The following C1orf87 variants were observed in gnomAD, a reference collection of about 807,000 sequenced individuals.
C1orf87 encodes the protein chromosome 1 open reading frame 87.
Under a neutral mutation model 60.5 loss-of-function variants are expected in C1orf87, and 58 were observed. The observed-to-expected ratio is 0.96, with a 90% CI of 0.78 to 1.19. The LOEUF is 1.19. Among genes scored for constraint, C1orf87 ranks in the 50% most tolerant of loss-of-function variants. The pLI, the probability that C1orf87 is intolerant of heterozygous loss-of-function variation, is 0.00. For synonymous variants in C1orf87, 236 were observed against 227.4 expected (o/e 1.04, Z -0.34); for missense variants, 673 against 638.6 (o/e 1.05, Z -0.58).
At position 60,019,676 on chromosome 1, in the gene C1orf87, T is replaced by C. The variant is rs1645149054; in HGVS notation, c.1127+5725A>G. On this transcript the variant is annotated intron_variant, in intron 8 of 11. Coordinates refer to ENST00000371201, the MANE Select transcript of C1orf87 (RefSeq NM_152377.3). ...ATGGACAATGACGTCCAGGCTGAGG[T>C]AGTTTCAAATGAAAATGAGGAACTT... Among the ~76,000 whole-genome samples the C allele has an allele frequency of 3.3e-5, 5 of 152,180 alleles. No individual in the cohort carries two copies. The South Asian group carries it at 1.0e-3, about 32-fold the overall frequency.
chr1:60,070,811 C>T (rs887288582), intron 2 of C1orf87, among the ~76,000 whole-genome samples: 2 of 152,086 alleles, frequency 1.3e-5, no homozygotes, highest in African/African-American at 4.8e-5. Flanking sequence ...GGGAAAGGCA[C>T]CTTCCTATAA....
At chr1:60,053,893 G>C (rs1645433350) in intron 3 of C1orf87, among the ~76,000 whole-genome samples, 1 of 152,080 alleles carries the variant, frequency 6.6e-6, no homozygotes, top group South Asian at 2.1e-4. Context: ...TCTATGCCAT[G>C]GTGGTAGAAA....
rs767068048 is a variant in C1orf87, at chr1:60,033,514, C to A, written c.991G>T (p.Glu331Ter). ...AGGCAGCCAGAGAACGAGCGATCTT[C>A]TTTTCGAAAACTCAGATTGAGATTG... ...IDNLNLSFRK[E>*]DRSFSGCLPL... is the part of the protein sequence containing the mutation. Residue 331 changes from glutamate to a stop codon, truncating the protein, a stop_gained, in exon 7 of 12, where the codon GAA (glutamate) becomes TAA (stop). Transcript: ENST00000371201. LOFTEE classifies it high-confidence loss of function. The A allele has an allele frequency of 6.2e-7, 1 of 1,613,876 alleles. No homozygotes were observed. Among genetic ancestry groups the A allele is most frequent in the South Asian group, 1.1e-5 (1 of 90,962 alleles).
chr1:60,017,644 C>T (rs568958965), intron 8 of C1orf87, among the ~76,000 whole-genome samples: 2 of 152,190 alleles, frequency 1.3e-5, no homozygotes, highest in Non-Finnish European at 2.9e-5. Flanking sequence ...TGCAAAGTCA[C>T]ACAGAAACAT....
intron 8 of C1orf87, among the ~76,000 whole-genome samples, chr1:60,023,643 C>T (rs1415237045): frequency 2.7e-5 from 4 of 148,390 alleles, no homozygotes; most frequent in South Asian, 2.1e-4. Context: ...GATACTGTTG[C>T]TATGATTAAT....
At chr1:60,059,934 C>T (rs1324259133) in intron 2 of C1orf87, among the ~76,000 whole-genome samples, 2 of 152,104 alleles carry the variant, frequency 1.3e-5, no homozygotes, top group Non-Finnish European at 2.9e-5. Context: ...CCAGACTTTT[C>T]TCTTTTTAAA....
intron 2 of C1orf87, among the ~76,000 whole-genome samples, chr1:60,070,975 A>G (rs1020185280): frequency 1.3e-5 from 2 of 152,208 alleles, no homozygotes; most frequent in Non-Finnish European, 2.9e-5. Flanking sequence ...AATAGTAATA[A>G]TATAGTTTTC....
chr1:60,057,747 G>A (rs1225128715), intron 2 of C1orf87, among the ~76,000 whole-genome samples: 2 of 152,270 alleles, frequency 1.3e-5, no homozygotes, highest in East Asian at 1.9e-4. Flanking sequence ...GGGTCTCATC[G>A]GGGAAATGAT....
At chr1:60,023,362 T>G (rs574771750) in intron 8 of C1orf87, among the ~76,000 whole-genome samples, 19 of 152,298 alleles carry the variant, frequency 1.2e-4, no homozygotes, top group African/African-American at 4.3e-4. Flanking sequence ...GGCCCAGTGA[T>G]GCTCTGTTAG....
intron 8 of C1orf87, among the ~76,000 whole-genome samples, chr1:60,020,999 T>A (rs1645159147): frequency 6.6e-6 from 1 of 152,098 alleles, no homozygotes; most frequent in East Asian, 1.9e-4. Flanking sequence ...GGTGAGTGAA[T>A]TCTCATGAGG....
intron 2 of C1orf87, among the ~76,000 whole-genome samples, chr1:60,063,140 T>C (rs1645508286): frequency 6.6e-6 from 1 of 152,212 alleles, no homozygotes; most frequent in Non-Finnish European, 1.5e-5. Flanking sequence ...TCTTCTGTGA[T>C]GTTATTGTTC....
At position 60,053,840 on chromosome 1, in the gene C1orf87, C is replaced by CA. The variant is rs1357543209; in HGVS notation, c.342+1363dup. 1.1e-4 allele frequency among the ~76,000 whole-genome samples: 16 copies of CA among 152,272 alleles called. 1 individual carries two copies. The South Asian group carries it at 2.9e-3, about 28-fold the overall frequency. On this transcript the variant is annotated intron_variant, in intron 3 of 11. Transcript: ENST00000371201. Reference sequence around the variant, plus strand: ...AACCTAGACAAACATCTTATCTACACACTTATGAGTCACTTTATCCTTTCT... The same window carrying CA: ...AACCTAGACAAACATCTTATCTACACAACTTATGAGTCACTTTATCCTTTCT...
rs556191899 is a variant in C1orf87, at chr1:60,067,570, T to TTTG, written c.107+4966_107+4967insCAA. On this transcript the variant is annotated intron_variant, in intron 2 of 11. Transcript: ENST00000371201. ...CCACTTTTTGATGGGGTTTTTTTTTTTTTTTTTTTTTTGGTAAATTTATTT... is the reference window on the plus strand; with the variant it reads ...CCACTTTTTGATGGGGTTTTTTTTTTTTGTTTTTTTTTTTTGGTAAATTTATTT... Among the ~76,000 whole-genome samples, 1,052 of 150,124 alleles carry TTTG rather than the reference T, an allele frequency of 7.0e-3. 12 individuals are homozygous for TTTG. The highest frequency in any genetic ancestry group is 0.024 in the African/African-American group (977 of 40,802).
intron 3 of C1orf87, among the ~76,000 whole-genome samples, chr1:60,047,325 T>C (rs1645379409): frequency 1.3e-5 from 2 of 152,248 alleles, no homozygotes; most frequent in African/African-American, 4.8e-5. Flanking sequence ...TATATACATT[T>C]AAACATATTT....
intron 2 of C1orf87, among the ~76,000 whole-genome samples, chr1:60,069,157 G>T (rs969524923): frequency 6.6e-6 from 1 of 152,126 alleles, no homozygotes; most frequent in African/African-American, 2.4e-5. Context: ...GAGCCCCCAG[G>T]TGGGGCAGGC....
chr1:60,073,367 T>TA (rs1645596980), intron 1 of C1orf87, among the ~76,000 whole-genome samples: 1 of 152,154 alleles, frequency 6.6e-6, no homozygotes, highest in Non-Finnish European at 1.5e-5. Context: ...GAAAGGCCTT[T>TA]AGAAATCATT....
chr1:60,007,749 T>C (rs78254291), intron 9 of C1orf87, among the ~76,000 whole-genome samples: 8,023 of 152,132 alleles, frequency 0.053, 306 homozygotes, highest in Middle Eastern at 0.17. Context: ...AGATATTAAG[T>C]ATTTATGTGA....
chr1:60,037,301 G>A (rs547350344), intron 6 of C1orf87, among the ~76,000 whole-genome samples: 1 of 152,324 alleles, frequency 6.6e-6, no homozygotes, highest in Middle Eastern at 3.4e-3. Context: ...ATTTGGTCAC[G>A]AGGGTGGAGT....
chr1:60,067,365 T>C (rs1171580745), intron 2 of C1orf87, among the ~76,000 whole-genome samples: 2 of 152,148 alleles, frequency 1.3e-5, no homozygotes, highest in South Asian at 4.1e-4. Flanking sequence ...TTCTAACTGG[T>C]GTGATATAGT....
Sources: gnomAD v4.1 joint callset for allele counts (sites outside exome capture counted in the v4.1 genomes callset) on GRCh38, gnomAD v4.1.1 for gene constraint, MANE v1.5 for transcripts, NCBI Gene and HGNC (gene_info 2026-07-23, HGNC 2026-07-21) for gene names.